The following ICE2 variants were observed in gnomAD, a reference collection of about 807,000 sequenced individuals.
ICE2 encodes the protein little elongation complex subunit 2.
A neutral mutation model predicts 105.4 loss-of-function variants in ICE2; 87 were observed. The observed-to-expected ratio is 0.83, with a 90% CI of 0.69 to 0.99. ICE2 has a LOEUF of 0.99. Among genes scored for constraint, ICE2 ranks in the 50% least tolerant of loss-of-function variants. The probability of loss-of-function intolerance (pLI) is 0.00; values close to 1 mark genes in which losing one functional copy is unlikely to be tolerated. For missense variants in ICE2, 1,323 were observed against 1,146.7 expected, an observed-to-expected ratio of 1.15 and a Z score of -2.22; for synonymous variants, 399 against 392.0, an observed-to-expected ratio of 1.02 and a Z score of -0.21.
intron 8 of ICE2, 126 bp downstream of exon 8, chr15:60,454,877 C>G (rs1158394448): frequency 2.5e-6 from 2 of 799,864 alleles, no homozygotes; most frequent in East Asian, 5.9e-5. Flanking sequence ...CCTGACAGGC[C>G]CCGGTGTGTG....
chr15:60,466,237 T>C (rs976328598), intron 5 of ICE2, among the ~76,000 whole-genome samples: 1 of 152,212 alleles, frequency 6.6e-6, no homozygotes, highest in African/African-American at 2.4e-5. Context: ...CAAGTTCACT[T>C]GACCGAGTTT....
In ICE2 at chr15:60,436,197, A is replaced by G; in HGVS notation, c.2456T>C (p.Phe819Ser). The change falls in exon 13 of 16, where the codon TTT (phenylalanine) becomes TCT (serine). Residue 819 changes from phenylalanine (F) to serine (S), a missense_variant. Transcript: ENST00000261520. ...TTCTGAGGTAATTTCTTCCAGTAGA[A>G]AAAGTTTTGAAGTAAATGCATCGAT... ...GHIDAFTSKL[F>S]LLEEITSEEL... 6.8e-7 allele frequency: 1 copy of G among 1,463,116 alleles called. No homozygotes were observed. The allele number at this position is 1,463,116 out of a possible 1,614,324, so 90.6% of individuals were successfully genotyped here.
intron 5 of ICE2, among the ~76,000 whole-genome samples, chr15:60,465,176 T>A (rs1427832686): frequency 2.0e-5 from 3 of 152,114 alleles, no homozygotes; most frequent in Non-Finnish European, 4.4e-5. Flanking sequence ...GCAAAATTCT[T>A]CCTTACAGTG....
rs1418351305 is a variant in ICE2, at chr15:60,453,604, T to A, written c.1124A>T (p.Asp375Val). 1.2e-6 allele frequency: 2 copies of A among 1,613,044 alleles called. No homozygotes were observed. The highest frequency in any genetic ancestry group is 2.2e-5 in the South Asian group (2 of 90,900). The stretch of plus-strand genomic sequence containing the variant: ...GGGGAAAAAAAAAGCATTACATACG[T>A]CCATTTCAGATATAAACTCTTCAGG... ...DKPEEFISEM[D>V]MSCEVNECRK... Residue 375 changes from aspartate to valine, a missense_variant and splice_region_variant, in exon 9 of 16, where the codon GAC (aspartate) becomes GTC (valine). By Grantham distance (152) the Asp-to-Val change is radical. Transcript: ENST00000261520.
intron 11 of ICE2, among the ~76,000 whole-genome samples, chr15:60,444,923 GAT>G (rs1566981433): frequency 6.6e-6 from 1 of 152,124 alleles, no homozygotes; most frequent in Non-Finnish European, 1.5e-5. Flanking sequence ...GAGCTCAGCT[GAT>G]CTACCTGCCT....
Position 60,436,164 on chromosome 15 carries a change from T to C in ICE2, c.2489A>G (p.Lys830Arg). 6.8e-7 allele frequency: 1 copy of C among 1,469,504 alleles called. No individual in the cohort carries two copies. Among genetic ancestry groups the C allele is most frequent in the Non-Finnish European group, 9.2e-7 (1 of 1,091,746 alleles). 91.0% of individuals were successfully genotyped at this position (1,469,504 alleles called of 1,614,324 possible). A position where few individuals can be genotyped will look rare whatever the true frequency, so the allele number is the denominator to read the frequency against. ...LLEEITSEEL[K>R]EKLSALKISN... Reference sequence around the variant, plus strand: ...TTACTTGAGTGCTGAAAGCTTTTCTTTTAATTCTTCTGAGGTAATTTCTTC... The same window carrying C: ...TTACTTGAGTGCTGAAAGCTTTTCTCTTAATTCTTCTGAGGTAATTTCTTC... The change falls in exon 13 of 16, where the codon AAA (lysine) becomes AGA (arginine). Residue 830 changes from lysine to arginine, a missense_variant. By Grantham distance (26) the Lys-to-Arg change is conservative. Coordinates refer to ENST00000261520, the MANE Select transcript of ICE2 (RefSeq NM_024611.6).
intron 5 of ICE2, among the ~76,000 whole-genome samples, chr15:60,463,381 A>G (rs1481534753): frequency 6.6e-6 from 1 of 152,228 alleles, no homozygotes; most frequent in Non-Finnish European, 1.5e-5. Flanking sequence ...AGAAATGAAA[A>G]TGAATGAACT....
In ICE2 at chr15:60,454,387, T is replaced by G. The variant is rs375537543; in HGVS notation, c.944-603A>C. Among the ~76,000 whole-genome samples, 21 of 152,314 alleles carry G rather than the reference T, an allele frequency of 1.4e-4. No individual in the cohort carries two copies. In the East Asian group the frequency reaches 1.7e-3, roughly 13 times the overall value. On this transcript the variant is annotated intron_variant, in intron 8 of 15. Coordinates refer to ENST00000261520, the MANE Select transcript of ICE2 (RefSeq NM_024611.6). ...GTCATAAAAACTCACCCATTTGAGGTTGTCTACTAAAGTACTACGTTCCTT... is the reference window on the plus strand; with the variant it reads ...GTCATAAAAACTCACCCATTTGAGGGTGTCTACTAAAGTACTACGTTCCTT...
intron 13 of ICE2, among the ~76,000 whole-genome samples, chr15:60,435,459 C>T (rs559203614): frequency 4.0e-5 from 6 of 149,250 alleles, no homozygotes; most frequent in African/African-American, 9.9e-5. Context: ...ATTAGCCAGG[C>T]GTGGTGGCGC....
At chr15:60,460,953 C>A (rs1001897791) in intron 5 of ICE2, among the ~76,000 whole-genome samples, 1 of 152,136 alleles carries the variant, frequency 6.6e-6, no homozygotes. Context: ...CCTGACACTT[C>A]CAGTTGGATA....
At chr15:60,426,967 C>T (rs2063351636) in intron 15 of ICE2, among the ~76,000 whole-genome samples, 1 of 152,160 alleles carries the variant, frequency 6.6e-6, no homozygotes, top group Non-Finnish European at 1.5e-5. Flanking sequence ...ACAACCAAAA[C>T]TGAAGATAAA....
intron 3 of ICE2, among the ~76,000 whole-genome samples, chr15:60,469,364 G>C (rs755900847): frequency 6.6e-5 from 10 of 151,952 alleles, no homozygotes; most frequent in Non-Finnish European, 1.2e-4. Flanking sequence ...CTAGGTGATG[G>C]GTTGGTAAGT....
At chr15:60,440,993 G>T (rs1350529156) in intron 12 of ICE2, 3 of 152,056 alleles carry the variant, frequency 2.0e-5, no homozygotes, top group African/African-American at 7.2e-5. Flanking sequence ...AGTTGATGTT[G>T]AACTGTACAT....
intron 10 of ICE2, among the ~76,000 whole-genome samples, chr15:60,448,472 A>G (rs2063876178): frequency 6.6e-6 from 1 of 152,234 alleles, no homozygotes; most frequent in Non-Finnish European, 1.5e-5. Context: ...TGAGGAGCAG[A>G]TTTATTTCAC....
At chr15:60,426,456 G>GT in intron 15 of ICE2, among the ~76,000 whole-genome samples, 1 of 152,272 alleles carries the variant, frequency 6.6e-6, no homozygotes, top group South Asian at 2.1e-4. Flanking sequence ...TAAGCTTATG[G>GT]TATTTAAACA....
At chr15:60,432,182 T>C (rs1325509975) in intron 13 of ICE2, among the ~76,000 whole-genome samples, 198 bp from the exon 14 acceptor site, 4 of 63,414 alleles carry the variant, frequency 6.3e-5, no homozygotes, top group East Asian at 5.3e-4. Flanking sequence ...AAAAATTTCC[T>C]TTTTTTTTTT....
rs780550239 is a variant in ICE2, at chr15:60,449,691, G to T, written c.1276C>A (p.Pro426Thr). The T allele has an allele frequency of 6.2e-7, 1 of 1,614,072 alleles. No individual in the cohort carries two copies. ...GCTGTAGGAGCATCTGTCATGTTAGGTACTGTGGAAGTACTTGCTGGACTT... is the reference window on the plus strand; with the variant it reads ...GCTGTAGGAGCATCTGTCATGTTAGTTACTGTGGAAGTACTTGCTGGACTT... ...SPSPASTSTV[P>T]NMTDAPTAPK... is the part of the protein sequence containing the mutation. Residue 426 changes from proline to threonine, a missense_variant, in exon 10 of 16, where the codon CCT (proline) becomes ACT (threonine). Physicochemically the swap from Pro to Thr is conservative, Grantham distance 38. Coordinates refer to ENST00000261520, the MANE Select transcript of ICE2 (RefSeq NM_024611.6).
intron 2 of ICE2, 114 bp from the exon 3 acceptor site, chr15:60,476,281 CCAGA>C: frequency 1.5e-6 from 1 of 649,006 alleles, no homozygotes; most frequent in Admixed American, 3.1e-5. Flanking sequence ...CCCCCCATCC[CCAGA>C]CAATCTCTTC....
intron 13 of ICE2, among the ~76,000 whole-genome samples, chr15:60,434,631 A>G (rs2063543084): frequency 6.6e-6 from 1 of 152,098 alleles, no homozygotes; most frequent in Admixed American, 6.6e-5. Flanking sequence ...TAGAACTGGA[A>G]GTCATTATGT....
Sources: gnomAD v4.1 joint callset for allele counts (sites outside exome capture counted in the v4.1 genomes callset) on GRCh38, gnomAD v4.1.1 for gene constraint, MANE v1.5 for transcripts, NCBI Gene and HGNC (gene_info 2026-07-23, HGNC 2026-07-21) for gene names.